The following ATXN7 variants were observed in gnomAD, a reference collection of about 807,000 sequenced individuals.
The protein encoded by ATXN7 is ataxin-7.
ATXN7 carries 12 observed loss-of-function variants against 70.5 expected under a neutral mutation model. The observed-to-expected ratio is 0.17, with a 90% CI of 0.11 to 0.28. The LOEUF (loss-of-function observed/expected upper bound fraction) is 0.28. Among genes scored for constraint, ATXN7 ranks in the 10% least tolerant of loss-of-function variants. ATXN7 has a pLI of 1.00. For missense variants in ATXN7, 1,256 were observed against 1,131.7 expected, an observed-to-expected ratio of 1.11 and a Z score of -1.58; for synonymous variants, 498 against 448.7, an observed-to-expected ratio of 1.11 and a Z score of -1.39.
chr3:63,885,991 C>T (rs1170977956), intron 1 of ATXN7, among the ~76,000 whole-genome samples: 1 of 151,890 alleles, frequency 6.6e-6, no homozygotes, highest in African/African-American at 2.4e-5. Context: ...TACTCCAGAG[C>T]GAGACTGGGT....
chr3:63,947,556 C>G (rs2074884181), intron 4 of ATXN7, among the ~76,000 whole-genome samples: 1 of 152,154 alleles, frequency 6.6e-6, no homozygotes, highest in Non-Finnish European at 1.5e-5. Context: ...TGTGCCACTG[C>G]ACTCCAGCCT....
In ATXN7 at chr3:63,912,714, A is replaced by AGCAGCAGCAGCC. The variant is rs770364745; in HGVS notation, c.118_119insAGCAGCAGCCGC (p.Gln39_Pro40insGlnGlnGlnPro). 4.8e-4 allele frequency: 584 copies of AGCAGCAGCAGCC among 1,212,042 alleles called. 1 individual carries two copies. The highest frequency in any genetic ancestry group is 7.6e-4 in the Admixed American group (20 of 26,334). 75.1% of individuals were successfully genotyped at this position (1,212,042 alleles called of 1,614,324 possible). A position where few individuals can be genotyped will look rare whatever the true frequency, so the allele number is the denominator to read the frequency against. On this transcript the variant is annotated inframe_insertion, in exon 3 of 13. Transcript: ENST00000674280. ...CAGCAGCAGCAGCAGCAGCAGCAGCAGCCGCCGCCTCCGCAGCCCCAGCGG... is the reference window on the plus strand; with the variant it reads ...CAGCAGCAGCAGCAGCAGCAGCAGCAGCAGCAGCAGCCGCCGCCGCCTCCGCAGCCCCAGCGG...
At chr3:63,955,359 C>T (rs2075023160) in intron 5 of ATXN7, among the ~76,000 whole-genome samples, 1 of 152,122 alleles carries the variant, frequency 6.6e-6, no homozygotes, top group Admixed American at 6.5e-5. Context: ...TTTGAATCAG[C>T]AGTGGAGATG....
intron 4 of ATXN7, among the ~76,000 whole-genome samples, chr3:63,917,942 A>G (rs1298356789): frequency 3.3e-5 from 5 of 152,322 alleles, no homozygotes; most frequent in East Asian, 1.9e-4. Flanking sequence ...AGGTTTCAGC[A>G]CTTTTCGTTG....
At chr3:63,871,248 A>G (rs1702583534) in intron 1 of ATXN7, among the ~76,000 whole-genome samples, 1 of 152,238 alleles carries the variant, frequency 6.6e-6, no homozygotes, top group Non-Finnish European at 1.5e-5. Context: ...TAAATACAGT[A>G]TAAGAGGCAT....
intron 4 of ATXN7, among the ~76,000 whole-genome samples, chr3:63,947,207 A>ATGTAGTAGCT (rs2074878362): frequency 6.6e-6 from 1 of 152,188 alleles, no homozygotes; most frequent in East Asian, 1.9e-4. Context: ...CATTTCTAAG[A>ATGTAGTAGCT]CTGGCATGTA....
intron 4 of ATXN7, among the ~76,000 whole-genome samples, chr3:63,935,608 G>A (rs1229656216): frequency 1.3e-5 from 2 of 152,098 alleles, no homozygotes; most frequent in Non-Finnish European, 2.9e-5. Context: ...TCAGTGACTG[G>A]AACATACTGC....
intron 4 of ATXN7, among the ~76,000 whole-genome samples, chr3:63,948,168 C>T (rs1025678009): frequency 2.0e-5 from 3 of 152,000 alleles, no homozygotes; most frequent in African/African-American, 2.4e-5. Context: ...ATAGTGGTGG[C>T]CATGGCAGTG....
chr3:63,933,009 G>GTCCTACAGTTATT (rs1285205571), intron 4 of ATXN7, among the ~76,000 whole-genome samples: 1 of 152,176 alleles, frequency 6.6e-6, no homozygotes, highest in Non-Finnish European at 1.5e-5. Flanking sequence ...TTTACCGACA[G>GTCCTACAGTTATT]TCCTACAGTT....
intron 4 of ATXN7, among the ~76,000 whole-genome samples, chr3:63,926,911 C>T (rs777551201): frequency 1.3e-5 from 2 of 152,132 alleles, no homozygotes; most frequent in Non-Finnish European, 2.9e-5. Context: ...TGAGAACATG[C>T]GGTGTTTGGT....
At chr3:63,911,114 A>G (rs1400494026) in intron 2 of ATXN7, among the ~76,000 whole-genome samples, 6 of 152,190 alleles carry the variant, frequency 3.9e-5, no homozygotes, top group African/African-American at 1.4e-4. Context: ...CACACATTAC[A>G]GGAGTTGATA....
chr3:63,902,486 C>T (rs188241870), intron 2 of ATXN7, among the ~76,000 whole-genome samples: 3 of 152,228 alleles, frequency 2.0e-5, no homozygotes, highest in Admixed American at 1.3e-4. Context: ...AAAATAATGG[C>T]ATTTAGAAAG....
Position 63,999,431 on chromosome 3 carries a change from AC to A in ATXN7, c.2662-14del, listed in dbSNP as rs34993312. The A allele has an allele frequency of 6.3e-7, 1 of 1,595,334 alleles. No individual in the cohort carries two copies. Among genetic ancestry groups the A allele is most frequent in the Non-Finnish European group, 8.6e-7 (1 of 1,163,738 alleles). ...TTACTTACCATTTCATTATTTCCCCACCCCCTCTTTTTTGAAAGCCAAAGGC... is the reference window on the plus strand; with the variant it reads ...TTACTTACCATTTCATTATTTCCCCACCCCTCTTTTTTGAAAGCCAAAGGC... On this transcript the variant is annotated intron_variant, in intron 12 of 12. Transcript: ENST00000674280.
chr3:63,941,185 GTAAT>G (rs1410221617), intron 4 of ATXN7, among the ~76,000 whole-genome samples: 4 of 152,134 alleles, frequency 2.6e-5, no homozygotes, highest in Non-Finnish European at 4.4e-5. Context: ...TAATTAGTGA[GTAAT>G]TAATATTAGG....
chr3:63,932,282 C>G (rs1398299725), intron 4 of ATXN7, among the ~76,000 whole-genome samples: 1 of 152,102 alleles, frequency 6.6e-6, no homozygotes, highest in Non-Finnish European at 1.5e-5. Flanking sequence ...CAGAAACATA[C>G]AGTATTTTGG....
intron 5 of ATXN7, among the ~76,000 whole-genome samples, chr3:63,954,639 A>AT (rs949366421): frequency 1.6e-4 from 22 of 139,988 alleles, no homozygotes; most frequent in East Asian, 1.0e-3. Flanking sequence ...CAGTATACTT[A>AT]TTTTTTTTTT....
At chr3:63,916,834 C>G (rs1412660183) in intron 4 of ATXN7, among the ~76,000 whole-genome samples, 2 of 152,096 alleles carry the variant, frequency 1.3e-5, no homozygotes, top group African/African-American at 4.8e-5. Context: ...TATTCTTGTT[C>G]TGTAATTTGC....
chr3:63,871,084 G>A (rs1272856656), intron 1 of ATXN7, among the ~76,000 whole-genome samples: 1 of 151,990 alleles, frequency 6.6e-6, no homozygotes, highest in Admixed American at 6.6e-5. Context: ...TTTTTGCTTC[G>A]TTTCCTGCTT....
At chr3:63,974,496 C>G (rs1461858871) in intron 5 of ATXN7, among the ~76,000 whole-genome samples, 1 of 152,248 alleles carries the variant, frequency 6.6e-6, no homozygotes, top group African/African-American at 2.4e-5. Flanking sequence ...CACCCAGGTG[C>G]TGGAGTCAGC....
Sources: gnomAD v4.1 joint callset for allele counts (sites outside exome capture counted in the v4.1 genomes callset) on GRCh38, gnomAD v4.1.1 for gene constraint, MANE v1.5 for transcripts, NCBI Gene and HGNC (gene_info 2026-07-23, HGNC 2026-07-21) for gene names.